The following PABPC4L variants were observed in gnomAD, a reference collection of about 807,000 sequenced individuals.
PABPC4L encodes polyadenylate-binding protein 4-like.
For missense variants in PABPC4L, 452 were observed against 451.4 expected (o/e 1.00, Z -0.01); for synonymous variants, 169 against 164.1 (o/e 1.03, Z -0.23).
At chr4:134,158,938 T>G in the PABPC4L span, among the ~76,000 whole-genome samples, 1 of 152,178 alleles carries the variant, frequency 6.6e-6, no homozygotes, top group Admixed American at 6.5e-5. Flanking sequence ...GTTACTATAT[T>G]GAATACTTGT....
the PABPC4L span, among the ~76,000 whole-genome samples, chr4:134,064,897 T>G: frequency 2.0e-5 from 3 of 152,044 alleles, no homozygotes; most frequent in Non-Finnish European, 4.4e-5. Context: ...TGGCCTCCAG[T>G]TGCATCCATG....
At chr4:133,961,646 T>G in the PABPC4L span, among the ~76,000 whole-genome samples, 1 of 152,158 alleles carries the variant, frequency 6.6e-6, no homozygotes, top group African/African-American at 2.4e-5. Context: ...TTTCACTTTA[T>G]TAAATCTTGC....
chr4:133,956,909 C>A, the PABPC4L span, among the ~76,000 whole-genome samples: 1 of 152,126 alleles, frequency 6.6e-6, no homozygotes, highest in Non-Finnish European at 1.5e-5. Context: ...GGGGTAACCA[C>A]CCCTATGATT....
the PABPC4L span, among the ~76,000 whole-genome samples, chr4:134,089,315 C>T: frequency 9.9e-5 from 15 of 152,140 alleles, no homozygotes; most frequent in South Asian, 1.5e-3. Flanking sequence ...AGACTTCCTA[C>T]GCTCACGCAC....
At position 134,199,935 on chromosome 4, in the gene PABPC4L, A is replaced by G; in HGVS notation, c.1085T>C (p.Leu362Pro). ...MNGRILGSKPLSIALAQRH is the reference protein window; with the variant it reads ...MNGRILGSKPPSIALAQRH The stretch of plus-strand genomic sequence containing the variant: ...GTGTCTCTGGGCCAAGGCAATGCTA[A>G]GAGGTTTGGAGCCCAAGATGCGGCC... Residue 362 changes from leucine to proline, a missense_variant, in exon 2 of 2, where the codon CTT becomes CCT. Physicochemically the swap from Leu to Pro is moderately conservative, Grantham distance 98 (BLOSUM62 -3). Transcript: ENST00000421491. 1.3e-6 allele frequency: 2 copies of G among 1,551,620 alleles called. No homozygotes were observed. Among genetic ancestry groups the G allele is most frequent in the Non-Finnish European group, 1.7e-6 (2 of 1,146,960 alleles).
downstream of PABPC4L, among the ~76,000 whole-genome samples, chr4:134,192,337 C>T (rs1489295337): frequency 6.6e-6 from 1 of 151,908 alleles, no homozygotes; most frequent in Non-Finnish European, 1.5e-5. Context: ...ATACAAATCC[C>T]TAGAGACACA....
At chr4:133,950,017 G>A in the PABPC4L span, among the ~76,000 whole-genome samples, 1 of 152,136 alleles carries the variant, frequency 6.6e-6, no homozygotes, top group Admixed American at 6.5e-5. Flanking sequence ...GTTTTAAGAT[G>A]AGTTTGCTAA....
the PABPC4L span, among the ~76,000 whole-genome samples, chr4:133,950,649 C>T: frequency 6.6e-6 from 1 of 152,164 alleles, no homozygotes; most frequent in Non-Finnish European, 1.5e-5. Flanking sequence ...CCCAGTTCCT[C>T]TTTCCCCTGT....
the PABPC4L span, among the ~76,000 whole-genome samples, chr4:134,059,741 G>A: frequency 6.6e-6 from 1 of 151,676 alleles, no homozygotes; most frequent in Non-Finnish European, 1.5e-5. Flanking sequence ...GGAGAGAAAA[G>A]ATAGGAAAAT....
At chr4:134,013,529 T>C in the PABPC4L span, among the ~76,000 whole-genome samples, 1 of 152,118 alleles carries the variant, frequency 6.6e-6, no homozygotes, top group African/African-American at 2.4e-5. Context: ...TCTTCTGCGA[T>C]GCCACTTGAC....
At chr4:134,137,574 TCA>T in the PABPC4L span, among the ~76,000 whole-genome samples, 1 of 151,916 alleles carries the variant, frequency 6.6e-6, no homozygotes, top group Non-Finnish European at 1.5e-5. Context: ...TCTGAAGATA[TCA>T]CAGTTTTTCT....
At chr4:134,108,971 T>G in the PABPC4L span, among the ~76,000 whole-genome samples, 1 of 151,952 alleles carries the variant, frequency 6.6e-6, no homozygotes, top group African/African-American at 2.4e-5. Context: ...TTTTCTTATT[T>G]AAAAAGTATC....
chr4:134,020,054 C>G, the PABPC4L span, among the ~76,000 whole-genome samples: 1 of 152,076 alleles, frequency 6.6e-6, no homozygotes, highest in Non-Finnish European at 1.5e-5. Context: ...ATAATACTAG[C>G]TACTACCACA....
chr4:134,154,531 C>A, the PABPC4L span, among the ~76,000 whole-genome samples: 1 of 152,034 alleles, frequency 6.6e-6, no homozygotes, highest in Non-Finnish European at 1.5e-5. Context: ...TTATTATATA[C>A]CTAATATTTT....
chr4:134,040,364 G>A, the PABPC4L span, among the ~76,000 whole-genome samples: 1 of 152,028 alleles, frequency 6.6e-6, no homozygotes, highest in South Asian at 2.1e-4. Context: ...GCATGGTACT[G>A]GTACCAAAAC....
chr4:133,974,602 A>G, the PABPC4L span, among the ~76,000 whole-genome samples: 2 of 152,240 alleles, frequency 1.3e-5, no homozygotes, highest in East Asian at 3.9e-4. Context: ...ACATAATAGA[A>G]AAATATTTGC....
chr4:134,173,660 C>T, the PABPC4L span, among the ~76,000 whole-genome samples: 1 of 151,888 alleles, frequency 6.6e-6, no homozygotes, highest in Non-Finnish European at 1.5e-5. Context: ...AATAAGACAA[C>T]TATAGTTAAC....
chr4:134,140,641 T>A, the PABPC4L span, among the ~76,000 whole-genome samples: 1 of 151,860 alleles, frequency 6.6e-6, no homozygotes. Flanking sequence ...TAAGAGTAGA[T>A]AAATGTAGGG....
At chr4:134,094,762 C>T in the PABPC4L span, among the ~76,000 whole-genome samples, 1 of 151,380 alleles carries the variant, frequency 6.6e-6, no homozygotes, top group Non-Finnish European at 1.5e-5. Flanking sequence ...AATAGTGTTA[C>T]CCATAAATTA....
Sources: gnomAD v4.1 joint callset for allele counts (sites outside exome capture counted in the v4.1 genomes callset) on GRCh38, gnomAD v4.1.1 for gene constraint, MANE v1.5 for transcripts, NCBI Gene and HGNC (gene_info 2026-07-23, HGNC 2026-07-21) for gene names.